CRACD: variants seen among roughly 807,000 people sequenced by gnomAD.
CRACD encodes capping protein-inhibiting regulator of actin dynamics.
Under a neutral mutation model 106.8 loss-of-function variants are expected in CRACD, and 56 were observed. That is an observed-to-expected ratio of 0.52 (90% CI 0.42 to 0.66). CRACD has a LOEUF of 0.66. Among genes scored for constraint, CRACD ranks in the 30% least tolerant of loss-of-function variants. The probability of loss-of-function intolerance (pLI) is 0.00; values close to 1 mark genes in which losing one functional copy is unlikely to be tolerated. For missense variants in CRACD, 1,730 were observed against 1,623.2 expected (o/e 1.07, Z -1.13); for synonymous variants, 754 against 670.8 (o/e 1.12, Z -1.92).
At chr4:56,079,846 G>A (rs1020832430) in intron 1 of CRACD, among the ~76,000 whole-genome samples, 10 of 151,984 alleles carry the variant, frequency 6.6e-5, no homozygotes, top group Non-Finnish European at 1.3e-4. Context: ...TTCCAACGAC[G>A]GAAGGCAAGT....
intron 2 of CRACD, among the ~76,000 whole-genome samples, chr4:56,188,130 A>G (rs1737162148): frequency 6.6e-6 from 1 of 152,244 alleles, no homozygotes; most frequent in Non-Finnish European, 1.5e-5. Flanking sequence ...CATTCCATGC[A>G]GAAAAACATC....
intron 1 of CRACD, among the ~76,000 whole-genome samples, chr4:56,135,006 G>A (rs189147104): frequency 1.1e-3 from 174 of 151,990 alleles, no homozygotes; most frequent in African/African-American, 4.1e-3. Context: ...CTTTTGGGCC[G>A]GGCGCGGTGA....
intron 1 of CRACD, among the ~76,000 whole-genome samples, chr4:56,115,070 T>C (rs1734235255): frequency 6.6e-6 from 1 of 152,118 alleles, no homozygotes; most frequent in South Asian, 2.1e-4. Flanking sequence ...CTTATAGTAA[T>C]TCCAATGGGT....
At chr4:56,070,161 C>T (rs147013722) in intron 1 of CRACD, among the ~76,000 whole-genome samples, 1 of 152,258 alleles carries the variant, frequency 6.6e-6, no homozygotes, top group African/African-American at 2.4e-5. Flanking sequence ...CCATGCTCTT[C>T]ACCCAGCACT....
intron 2 of CRACD, among the ~76,000 whole-genome samples, chr4:56,183,230 T>C (rs1292952823): frequency 7.2e-6 from 1 of 138,932 alleles, no homozygotes; most frequent in East Asian, 2.1e-4. Flanking sequence ...TGAAACTCCG[T>C]CTCAAAAAAT....
intron 4 of CRACD, 35 bp from the exon 5 acceptor site, chr4:56,307,500 C>T (rs757199412): frequency 1.2e-6 from 2 of 1,610,112 alleles, no homozygotes; most frequent in South Asian, 2.2e-5. Flanking sequence ...AACTGCTTCA[C>T]TGCTTCAGAA....
At position 56,315,644 on chromosome 4, in the gene CRACD, A is replaced by C. The variant is rs1745576509; in HGVS notation, c.2142A>C (p.Pro714=). 6.2e-7 allele frequency: 1 copy of C among 1,614,220 alleles called. No individual in the cohort carries two copies. Among genetic ancestry groups the C allele is most frequent in the Non-Finnish European group, 8.5e-7 (1 of 1,180,046 alleles). The change falls in exon 8 of 11, where the codon CCA becomes CCC. Residue 714 remains proline, a synonymous_variant. Transcript: ENST00000682029. The surrounding 1 kb of genome is among the most constrained non-coding windows in gnomAD (Gnocchi z 4.1). ...DSRGNQRKTP[P]VNAKFSIMPA... Reference sequence around the variant, plus strand: ...GCGGGAACCAACGGAAGACTCCGCCAGTCAATGCAAAGTTCTCTATTATGC... The same window carrying C: ...GCGGGAACCAACGGAAGACTCCGCCCGTCAATGCAAAGTTCTCTATTATGC...
intron 3 of CRACD, among the ~76,000 whole-genome samples, chr4:56,294,964 A>G (rs139789541): frequency 2.8e-4 from 43 of 151,272 alleles, no homozygotes; most frequent in African/African-American, 1.0e-3. Context: ...AAGAAAAGAA[A>G]GAAAGAAAAA....
At chr4:56,118,917 G>C (rs1469886430) in intron 1 of CRACD, among the ~76,000 whole-genome samples, 1 of 152,142 alleles carries the variant, frequency 6.6e-6, no homozygotes, top group Non-Finnish European at 1.5e-5. Context: ...ATATTTTACA[G>C]TGGATAATTT....
At chr4:56,200,942 T>C (rs1737854658) in intron 2 of CRACD, among the ~76,000 whole-genome samples, 1 of 152,180 alleles carries the variant, frequency 6.6e-6, no homozygotes, top group African/African-American at 2.4e-5. Context: ...AGAATTAAAA[T>C]TTACTTTTAA....
At chr4:56,224,342 G>A (rs1254402079) in intron 2 of CRACD, among the ~76,000 whole-genome samples, 1 of 152,008 alleles carries the variant, frequency 6.6e-6, no homozygotes, top group Non-Finnish European at 1.5e-5. Flanking sequence ...CTTTTGTTGT[G>A]TTGGCTGCTA....
chr4:56,255,145 G>A (rs1390537968), intron 2 of CRACD, among the ~76,000 whole-genome samples: 4 of 148,786 alleles, frequency 2.7e-5, no homozygotes, highest in African/African-American at 9.9e-5. Flanking sequence ...CTAAAAATTG[G>A]CCAATGAAAT....
chr4:56,057,791 T>A (rs1277926127), intron 1 of CRACD, among the ~76,000 whole-genome samples: 4 of 117,710 alleles, frequency 3.4e-5, no homozygotes, highest in African/African-American at 4.2e-5. Flanking sequence ...ACCTGGCTCA[T>A]TTTTTGTATT....
At chr4:56,214,681 C>CTCTCTCTCTCTCTCTCTCTATATATATA in intron 2 of CRACD, among the ~76,000 whole-genome samples, 1 of 81,000 alleles carries the variant, frequency 1.2e-5, no homozygotes, top group African/African-American at 4.3e-5. Flanking sequence ...CTCTCTCTCT[C>CTCTCTCTCTCTCTCTCTCTATATATATA]TATATATATA....
At chr4:56,303,991 A>G (rs557288054) in intron 4 of CRACD, among the ~76,000 whole-genome samples, 49 of 152,286 alleles carry the variant, frequency 3.2e-4, no homozygotes, top group African/African-American at 1.1e-3. Context: ...TAAGATGCAC[A>G]CTTTCATTCT....
intron 3 of CRACD, among the ~76,000 whole-genome samples, chr4:56,276,280 C>G (rs1742669747): frequency 6.6e-6 from 1 of 152,120 alleles, no homozygotes; most frequent in Non-Finnish European, 1.5e-5. Flanking sequence ...AGAGGGTCAT[C>G]TTGGTAAATA....
chr4:56,193,082 G>A (rs1737453520), intron 2 of CRACD, among the ~76,000 whole-genome samples: 1 of 152,152 alleles, frequency 6.6e-6, no homozygotes, highest in Non-Finnish European at 1.5e-5. Context: ...CACTTGGCTG[G>A]GGAGGCCTCA....
intron 2 of CRACD, among the ~76,000 whole-genome samples, chr4:56,205,474 G>GCA (rs1738077831): frequency 6.6e-6 from 1 of 151,878 alleles, no homozygotes; most frequent in African/African-American, 2.4e-5. Context: ...TACCAAGCGT[G>GCA]CCCCGATAAA....
chr4:56,063,185 C>T (rs1156483097), intron 1 of CRACD, among the ~76,000 whole-genome samples: 3 of 151,998 alleles, frequency 2.0e-5, no homozygotes, highest in Non-Finnish European at 4.4e-5. Flanking sequence ...CTTGTTTTTT[C>T]CCTTCAAATA....
Sources: gnomAD v4.1 joint callset for allele counts (sites outside exome capture counted in the v4.1 genomes callset) on GRCh38, gnomAD v4.1.1 for gene constraint, Gnocchi (gnomAD v3.1) non-coding constraint, MANE v1.5 for transcripts, NCBI Gene and HGNC (gene_info 2026-07-23, HGNC 2026-07-21) for gene names.